Variants in SLC12A5 observed in about 807,000 individuals in gnomAD.
SLC12A5 encodes the protein K-Cl cotransporter 2.
In SLC12A5, 18 loss-of-function variants were observed where a neutral mutation model predicts 124.0. The ratio of observed to expected loss-of-function variants is 0.15; its 90% CI spans 0.10 to 0.22. SLC12A5 has a LOEUF of 0.22. Among genes scored for constraint, SLC12A5 ranks in the 10% least tolerant of loss-of-function variants. SLC12A5 has a pLI of 1.00. For synonymous variants in SLC12A5, 589 were observed against 568.0 expected, an observed-to-expected ratio of 1.04 and a Z score of -0.53; for missense variants, 867 against 1,478.7, an observed-to-expected ratio of 0.59 and a Z score of 6.78.
rs1007653915 is a variant in SLC12A5, at chr20:46,052,964, C to G, written c.2385C>G (p.Val795=). The part of the protein sequence containing the change: ...HQTWRNFIEL[V]RETTAGHLAL... ...CTCCTTGGCCTCCCTCAGAGCTGGT[C>G]CGGGAAACCACAGCTGGCCACTTAG... Residue 795 remains valine, a synonymous_variant, in exon 19 of 26, where the codon GTC becomes GTG. Coordinates refer to ENST00000243964, the MANE Select transcript of SLC12A5 (RefSeq NM_020708.5). 1.2e-6 allele frequency: 2 copies of G among 1,610,698 alleles called. No individual in the cohort carries two copies. The highest frequency in any genetic ancestry group is 1.3e-5 in the African/African-American group (1 of 74,970).
At chr20:46,022,041 A>C in intron 1 of SLC12A5, 5 of 833,416 alleles carry the variant, frequency 6.0e-6, no homozygotes, top group East Asian at 4.7e-5. Flanking sequence ...GGACTAGGAA[A>C]CCAAGGGGCC....
intron 13 of SLC12A5, 85 bp downstream of exon 13, chr20:46,046,081 C>T: frequency 7.6e-7 from 1 of 1,313,326 alleles, no homozygotes. Context: ...GACAACCCAC[C>T]CAGACACTTT....
In SLC12A5 at chr20:46,058,186, G is replaced by A. The variant is rs1485491740; in HGVS notation, c.*581G>A. 1.2e-5 allele frequency: 4 copies of A among 325,708 alleles called. No individual in the cohort carries two copies. Among genetic ancestry groups the A allele is most frequent in the Non-Finnish European group, 2.2e-5 (4 of 180,400 alleles). The allele number at this position is 325,708 out of a possible 1,614,324, so 20.2% of individuals were successfully genotyped here. ...TATTTATGTGACTAGAAGCGCAACA[G>A]ACTTCTCGCCATAGTCGAGCTCTCC... On this transcript the variant is annotated 3_prime_UTR_variant, in exon 26 of 26. Transcript: ENST00000243964. This position sits in a 1 kb window ranked among gnomAD's most constrained non-coding sequence, Gnocchi z 5.8.
In SLC12A5 at chr20:46,035,806, G is replaced by A. The variant is rs748333271; in HGVS notation, c.309G>A (p.Val103=). ...CACGCATGGGCACCTTCATGGGCGT[G>A]TACCTGCCGTGCCTGCAGAACATCT... The part of the protein sequence containing the change: ...QAPRMGTFMG[V]YLPCLQNIFG... Residue 103 remains valine, a synonymous_variant, in exon 4 of 26, where the codon GTG becomes GTA. Transcript: ENST00000243964. The A allele has an allele frequency of 1.2e-6, 2 of 1,614,056 alleles. No individual in the cohort carries two copies.
At chr20:46,055,576 G>A (rs973754308) in intron 21 of SLC12A5, among the ~76,000 whole-genome samples, 10 of 152,104 alleles carry the variant, frequency 6.6e-5, no homozygotes, top group African/African-American at 2.4e-4. Flanking sequence ...CCAAGGGAGT[G>A]GAGTCCTTGG....
At chr20:46,022,983 G>GGAA (rs1568852766) in exon 2 of SLC12A5, 3 of 383,196 alleles carry the variant, frequency 7.8e-6, no homozygotes, top group African/African-American at 6.5e-5. Context: ...AGGAAGAGGA[G>GGAA]GAGGAGGAAG....
At chr20:46,035,983 G>T in intron 4 of SLC12A5, 60 bp downstream of exon 4, 2 of 1,536,484 alleles carry the variant, frequency 1.3e-6, no homozygotes, top group Non-Finnish European at 1.8e-6. Context: ...GAGGCCTGGG[G>T]GTGGGAGGTG....
intron 15 of SLC12A5, 126 bp downstream of exon 15, chr20:46,047,699 G>C: frequency 1.6e-6 from 2 of 1,267,400 alleles, no homozygotes; most frequent in Admixed American, 2.2e-5. Flanking sequence ...GAGAGGATGG[G>C]GCTGGAGTAG....
intron 1 of SLC12A5, chr20:46,022,035 T>A: frequency 1.0e-6 from 1 of 961,788 alleles, no homozygotes; most frequent in Non-Finnish European, 1.4e-6. Context: ...GAGCCAGGAC[T>A]AGGAAACCAA....
chr20:46,038,983 A>G (rs2084521271), intron 6 of SLC12A5, among the ~76,000 whole-genome samples: 2 of 152,240 alleles, frequency 1.3e-5, no homozygotes, highest in South Asian at 4.1e-4. Context: ...ATTGTTGTAA[A>G]TGCAATTCTG....
Position 46,053,771 on chromosome 20 carries a change from C to G in SLC12A5, c.2679+62C>G. The G allele has an allele frequency of 6.7e-7, 1 of 1,494,120 alleles. No homozygotes were observed. The highest frequency in any genetic ancestry group is 9.0e-7 in the Non-Finnish European group (1 of 1,117,052). The allele number at this position is 1,494,120 out of a possible 1,614,324, so 92.6% of individuals were successfully genotyped here. A position where few individuals can be genotyped will look rare whatever the true frequency, so the allele number is the denominator to read the frequency against. On this transcript the variant is annotated intron_variant, in intron 20 of 25. Coordinates refer to ENST00000243964, the MANE Select transcript of SLC12A5 (RefSeq NM_020708.5). This position sits in a 1 kb window ranked among gnomAD's most constrained non-coding sequence, Gnocchi z 4.7. ...GCCCTCTTTCCTCTTGGCCCCAGCA[C>G]CAAGTAGGGCAACTCTAACACCCAT... is the stretch of plus-strand genomic sequence containing the variant.
At chr20:46,026,070 G>A (rs767990803), upstream of SLC12A5, among the ~76,000 whole-genome samples, 1 of 152,188 alleles carries the variant, frequency 6.6e-6, no homozygotes, top group Non-Finnish European at 1.5e-5. Context: ...CTAGTCCCTA[G>A]TCTGTTACAA....
intron 1 of SLC12A5, among the ~76,000 whole-genome samples, chr20:46,032,393 G>C (rs1001556650): frequency 6.6e-6 from 1 of 152,254 alleles, no homozygotes; most frequent in Non-Finnish European, 1.5e-5. Flanking sequence ...GCGGGGAAAT[G>C]GACCCAGCTC....
At chr20:46,036,363 T>C (rs1568859291) in intron 4 of SLC12A5, among the ~76,000 whole-genome samples, 1 of 152,206 alleles carries the variant, frequency 6.6e-6, no homozygotes, top group Non-Finnish European at 1.5e-5. Flanking sequence ...CATGTCCTCG[T>C]ACATAACCTT....
In SLC12A5 at chr20:46,053,483, T is replaced by C. The variant is rs2084663770; in HGVS notation, c.2548-95T>C. ...TCTGCATGTATGTGTGAGGAGTGGG[T>C]GGGAAGAGGGGAAGGGTGAGCGGAC... On this transcript the variant is annotated intron_variant, in intron 19 of 25. Transcript: ENST00000243964. This position sits in a 1 kb window ranked among gnomAD's most constrained non-coding sequence, Gnocchi z 4.7. The C allele has an allele frequency of 1.3e-6, 2 of 1,526,860 alleles. No individual in the cohort carries two copies. The highest frequency in any genetic ancestry group is 1.7e-4 in the Middle Eastern group (1 of 5,808). 94.6% of individuals were successfully genotyped at this position (1,526,860 alleles called of 1,614,324 possible).
chr20:46,026,230 A>G (rs1204780714), upstream of SLC12A5, among the ~76,000 whole-genome samples: 3 of 152,144 alleles, frequency 2.0e-5, no homozygotes, highest in African/African-American at 7.2e-5. Flanking sequence ...TCTCTCTGAG[A>G]CATATGGTGG....
intron 8 of SLC12A5, 60 bp from the exon 9 acceptor site, chr20:46,043,093 G>C (rs2084562086): frequency 7.7e-6 from 12 of 1,565,938 alleles, no homozygotes; most frequent in Non-Finnish European, 1.0e-5. Flanking sequence ...CCACCTCCTG[G>C]TCCCAGAGCT....
intron 8 of SLC12A5, among the ~76,000 whole-genome samples, chr20:46,042,020 A>G (rs1369480235): frequency 1.3e-5 from 2 of 152,182 alleles, no homozygotes; most frequent in Admixed American, 1.3e-4. Context: ...CTTCAATTCT[A>G]TGAGAGGAGT....
chr20:46,024,646 C>T (rs1187400435), upstream of SLC12A5, among the ~76,000 whole-genome samples: 2 of 152,178 alleles, frequency 1.3e-5, no homozygotes, highest in African/African-American at 4.8e-5. Flanking sequence ...TGGGGTTTGC[C>T]ACTTGGGGGG....
Sources: allele counts gnomAD v4.1 joint callset (sites outside exome capture counted in the v4.1 genomes callset), GRCh38; gene constraint gnomAD v4.1.1; non-coding constraint Gnocchi (gnomAD v3.1); transcripts MANE v1.5; gene names NCBI Gene and HGNC (gene_info 2026-07-23, HGNC 2026-07-21).